Variants in DBF4B observed in about 807,000 individuals in gnomAD.
The protein encoded by DBF4B is protein DBF4 homolog B.
In DBF4B, 49 loss-of-function variants were observed where a neutral mutation model predicts 53.4. The observed-to-expected ratio is 0.92, with a 90% CI of 0.73 to 1.16. DBF4B has a LOEUF of 1.16. DBF4B is among the 50% of genes most tolerant of loss of function. The pLI is 0.00. For synonymous variants in DBF4B, 257 were observed against 288.7 expected (o/e 0.89, Z 1.11); for missense variants, 692 against 775.0 (o/e 0.89, Z 1.27).
At chr17:44,741,756 T>C (rs1489232672) in intron 10 of DBF4B, among the ~76,000 whole-genome samples, 1 of 152,196 alleles carries the variant, frequency 6.6e-6, no homozygotes, top group African/African-American at 2.4e-5. Flanking sequence ...TACAGCACTC[T>C]TACCCTGTCC....
intron 6 of DBF4B, chr17:44,732,554 A>G: frequency 5.5e-6 from 2 of 366,712 alleles, no homozygotes; most frequent in South Asian, 6.5e-5. Context: ...TGTTTTACAA[A>G]TGCAGAAATG....
chr17:44,727,864 A>ATTTTCTTTTTTT (rs1568175162), intron 3 of DBF4B, among the ~76,000 whole-genome samples: 4 of 106,734 alleles, frequency 3.7e-5, no homozygotes, highest in Non-Finnish European at 5.6e-5. Context: ...TGCCCGGGTA[A>ATTTTCTTTTTTT]TTTTTTTTTT....
At chr17:44,750,026 T>G (rs1398958838) in intron 13 of DBF4B, 1 of 1,000,154 alleles carries the variant, frequency 1.0e-6, no homozygotes, top group Non-Finnish European at 1.2e-6. Context: ...GCCCAGGATG[T>G]GGCCAGAGCC....
chr17:44,744,908 T>G (rs1976452960), intron 10 of DBF4B, among the ~76,000 whole-genome samples: 1 of 152,222 alleles, frequency 6.6e-6, no homozygotes, highest in Non-Finnish European at 1.5e-5. Context: ...CATTTTTTAT[T>G]TGGTTATTGA....
intron 3 of DBF4B, among the ~76,000 whole-genome samples, chr17:44,725,845 C>T (rs184716300): frequency 3.3e-5 from 5 of 151,764 alleles, no homozygotes; most frequent in Non-Finnish European, 5.9e-5. Flanking sequence ...CGCCACCATG[C>T]CCTGCTCATT....
intron 3 of DBF4B, among the ~76,000 whole-genome samples, chr17:44,725,349 A>G (rs1279182017): frequency 6.6e-6 from 1 of 152,180 alleles, no homozygotes; most frequent in Admixed American, 6.5e-5. Flanking sequence ...TTTAGAGAAC[A>G]TGGAACTACT....
intron 2 of DBF4B, among the ~76,000 whole-genome samples, chr17:44,711,505 G>C (rs952108007): frequency 1.3e-5 from 2 of 152,008 alleles, no homozygotes; most frequent in African/African-American, 4.8e-5. Flanking sequence ...CTTCCTGTTT[G>C]ATTCTTGACA....
intron 2 of DBF4B, among the ~76,000 whole-genome samples, chr17:44,712,796 A>T (rs984647120): frequency 6.7e-6 from 1 of 149,588 alleles, no homozygotes; most frequent in African/African-American, 2.5e-5. Flanking sequence ...GCTGGTCTTG[A>T]ACTCTTGGGC....
chr17:44,748,215 C>G, intron 12 of DBF4B, 126 bp from the exon 13 acceptor site: 2 of 1,305,686 alleles, frequency 1.5e-6, no homozygotes, highest in Non-Finnish European at 2.1e-6. Flanking sequence ...CACACAGGGC[C>G]TCAGAGAAGG....
chr17:44,738,543 C>T, intron 9 of DBF4B, 119 bp downstream of exon 9: 2 of 996,898 alleles, frequency 2.0e-6, no homozygotes, highest in Non-Finnish European at 2.9e-6. Flanking sequence ...AACCCTGCAC[C>T]TTCATCTTCC....
Position 44,749,606 on chromosome 17 carries a change from C to T in DBF4B, c.1190-989C>T, listed in dbSNP as rs1347793708. The T allele has an allele frequency of 8.4e-7, 1 of 1,189,016 alleles. No homozygotes were observed. Among genetic ancestry groups the T allele is most frequent in the African/African-American group, 1.6e-5 (1 of 62,536 alleles). 73.7% of individuals were successfully genotyped at this position (1,189,016 alleles called of 1,614,324 possible). A position where few individuals can be genotyped will look rare whatever the true frequency, so the allele number is the denominator to read the frequency against. ...GGGGGCTGCCCTCTCCTACCCCTGC[C>T]TCCTGCCATGTTCCTGACCAGGCAG... On this transcript the variant is annotated intron_variant, in intron 13 of 13. Coordinates refer to ENST00000315005, the MANE Select transcript of DBF4B (RefSeq NM_145663.3). The surrounding 1 kb of genome is among the most constrained non-coding windows in gnomAD (Gnocchi z 4.4).
intron 10 of DBF4B, among the ~76,000 whole-genome samples, chr17:44,742,443 T>C (rs562406501): frequency 1.3e-3 from 186 of 147,324 alleles, no homozygotes; most frequent in African/African-American, 4.5e-3. Flanking sequence ...TAGTCAAGCG[T>C]GATGACAAGT....
At chr17:44,748,781 T>C (rs921613955) in intron 13 of DBF4B, 1 of 1,314,798 alleles carries the variant, frequency 7.6e-7, no homozygotes, top group Non-Finnish European at 9.9e-7. Context: ...TTTGTCCCAA[T>C]AGCCCCCAAC....
rs1422419468 is a variant in DBF4B at position 44,750,301 on chromosome 17, G to A, written c.1190-294G>A. 1.3e-5 allele frequency: 15 copies of A among 1,162,066 alleles called. No individual in the cohort carries two copies. The East Asian group carries it at 3.1e-4, about 24-fold the overall frequency. 72.0% of individuals were successfully genotyped at this position (1,162,066 alleles called of 1,614,324 possible). A position where few individuals can be genotyped will look rare whatever the true frequency, so the allele number is the denominator to read the frequency against. ...CGTGATTCTTCTCACCCTTCTCTGC[G>A]TCCGTGCATTTAAAGAGTTGTCTCT... On this transcript the variant is annotated intron_variant, in intron 13 of 13. Transcript: ENST00000315005.
Position 44,751,902 on chromosome 17 carries a change from T to G in DBF4B, c.*649T>G. On this transcript the variant is annotated 3_prime_UTR_variant, in exon 14 of 14. Coordinates refer to ENST00000315005, the MANE Select transcript of DBF4B (RefSeq NM_145663.3). ...GCCTGGTTCTCCTGTCCCCCTGCCC[T>G]TCCTCACCATTGCCCATTCCCTCGT... is the stretch of plus-strand genomic sequence containing the variant. 1 of 1,536,068 alleles carries G rather than the reference T, an allele frequency of 6.5e-7. No individual in the cohort carries two copies. Among genetic ancestry groups the G allele is most frequent in the Non-Finnish European group, 8.7e-7 (1 of 1,146,856 alleles).
intron 2 of DBF4B, among the ~76,000 whole-genome samples, chr17:44,710,557 T>C (rs899904546): frequency 9.2e-5 from 14 of 152,136 alleles, no homozygotes; most frequent in African/African-American, 3.4e-4. Context: ...ATGGATTATA[T>C]TGATGAAAGA....
Position 44,751,477 on chromosome 17 carries a change from G to A in DBF4B, c.*224G>A, listed in dbSNP as rs1429508452. 2.1e-6 allele frequency: 3 copies of A among 1,406,816 alleles called. No homozygotes were observed. The highest frequency in any genetic ancestry group is 2.9e-5 in the African/African-American group (2 of 69,262). 87.1% of individuals were successfully genotyped at this position (1,406,816 alleles called of 1,614,324 possible). On this transcript the variant is annotated 3_prime_UTR_variant, in exon 14 of 14. Transcript: ENST00000315005. ...TGTTGCCGTTTCTTTCTGAAGAGGT[G>A]TCCTCCCTCCACAAGTCACACTGTC...
At chr17:44,725,633 G>C (rs897278518) in intron 3 of DBF4B, among the ~76,000 whole-genome samples, 1 of 148,160 alleles carries the variant, frequency 6.7e-6, no homozygotes. Flanking sequence ...CTAGCCCTTG[G>C]TAATGCCCAT....
chr17:44,751,330 T>G lies in DBF4B; in HGVS notation c.*77T>G. Reference sequence around the variant, plus strand: ...GATGTGAATGAGGTCCCGCAGTGGCTCCTTGGCGTGAGCACTGCTCAGACT... The same window carrying G: ...GATGTGAATGAGGTCCCGCAGTGGCGCCTTGGCGTGAGCACTGCTCAGACT... On this transcript the variant is annotated 3_prime_UTR_variant, in exon 14 of 14. Transcript: ENST00000315005. 1.3e-6 allele frequency: 2 copies of G among 1,521,468 alleles called. No homozygotes were observed. Among genetic ancestry groups the G allele is most frequent in the Non-Finnish European group, 1.8e-6 (2 of 1,138,144 alleles). 94.2% of individuals were successfully genotyped at this position (1,521,468 alleles called of 1,614,324 possible). A position where few individuals can be genotyped will look rare whatever the true frequency, so the allele number is the denominator to read the frequency against.
Sources: gnomAD v4.1 joint callset for allele counts (sites outside exome capture counted in the v4.1 genomes callset) on GRCh38, gnomAD v4.1.1 for gene constraint, Gnocchi (gnomAD v3.1) non-coding constraint, MANE v1.5 for transcripts, NCBI Gene and HGNC (gene_info 2026-07-23, HGNC 2026-07-21) for gene names.